ZNF33B: variants seen among roughly 807,000 people sequenced by gnomAD.
ZNF33B encodes zinc finger protein 33B.
Under a neutral mutation model 45.8 loss-of-function variants are expected in ZNF33B, and 29 were observed. The ratio of observed to expected loss-of-function variants is 0.63; its 90% CI spans 0.47 to 0.86. The LOEUF (loss-of-function observed/expected upper bound fraction) is 0.86, where lower values mean the gene tolerates loss of function less well. Ranked by LOEUF, ZNF33B falls within the 40% of genes least tolerant of loss-of-function variation. The pLI, the probability that ZNF33B is intolerant of heterozygous loss-of-function variation, is 0.00. For synonymous variants in ZNF33B, 305 were observed against 307.8 expected, an observed-to-expected ratio of 0.99 and a Z score of 0.10; for missense variants, 831 against 909.9, an observed-to-expected ratio of 0.91 and a Z score of 1.12.
In ZNF33B at chr10:42,594,079, A is replaced by G. The variant is rs1408398287; in HGVS notation, c.871T>C (p.Ser291Pro). 2 of 1,614,060 alleles carry G rather than the reference A, an allele frequency of 1.2e-6. No homozygotes were observed. Among genetic ancestry groups the G allele is most frequent in the Middle Eastern group, 1.6e-4 (1 of 6,062 alleles). The change falls in exon 5 of 5, where the codon TCT (serine) becomes CCT (proline). Residue 291 changes from serine to proline, a missense_variant. By Grantham distance (74) the Ser-to-Pro change is moderately conservative. Coordinates refer to ENST00000359467, the MANE Select transcript of ZNF33B (RefSeq NM_006955.3). ...EKFLCVKSTL[S>P]KHDGVPVKHY... ...TTCACAGGTACCCCATCATGTTTAG[A>G]AAGGGTGGACTTCACACATAAGAAC...
At chr10:42,630,382 T>A (rs570307706) in intron 4 of ZNF33B, among the ~76,000 whole-genome samples, 3 of 152,242 alleles carry the variant, frequency 2.0e-5, no homozygotes. Context: ...CTGGCTACTT[T>A]GAAATTTTTT....
intron 1 of ZNF33B, among the ~76,000 whole-genome samples, chr10:42,637,825 G>A (rs1162375330): frequency 6.6e-6 from 1 of 152,076 alleles, no homozygotes; most frequent in Non-Finnish European, 1.5e-5. Flanking sequence ...GCTACTTTTA[G>A]TATTTTTAGT....
downstream of ZNF33B, among the ~76,000 whole-genome samples, chr10:42,586,127 C>T (rs1018794741): frequency 2.1e-4 from 31 of 150,604 alleles, no homozygotes; most frequent in African/African-American, 7.3e-4. Flanking sequence ...TCCAGATGAT[C>T]GGCACAGGAT....
chr10:42,614,837 C>T (rs1254274041), intron 4 of ZNF33B, among the ~76,000 whole-genome samples: 2 of 151,864 alleles, frequency 1.3e-5, no homozygotes, highest in African/African-American at 4.8e-5. Flanking sequence ...ACCTGTAATC[C>T]CAGCTACTCA....
chr10:42,602,039 C>G (rs2132066285), intron 4 of ZNF33B, among the ~76,000 whole-genome samples: 1 of 151,366 alleles, frequency 6.6e-6, no homozygotes, highest in Non-Finnish European at 1.5e-5. Flanking sequence ...CCACCTCAGC[C>G]TCCCAAGTAG....
chr10:42,631,622 T>C (rs1258539595), intron 4 of ZNF33B, among the ~76,000 whole-genome samples: 2 of 152,100 alleles, frequency 1.3e-5, no homozygotes, highest in African/African-American at 4.8e-5. Flanking sequence ...GAGGTTAAGG[T>C]GGGACACTGA....
Position 42,591,027 on chromosome 10 carries a change from T to TA in ZNF33B, c.*1585dup, listed in dbSNP as rs1280310385. 3 of 182,920 alleles carry TA rather than the reference T, an allele frequency of 1.6e-5. No homozygotes were observed. The highest frequency in any genetic ancestry group is 7.1e-5 in the African/African-American group (3 of 42,034). The allele number at this position is 182,920 out of a possible 1,614,324, so 11.3% of individuals were successfully genotyped here. ...CTAGGGTCACCAGACTGTAAAATCT[T>TA]AGATTATTTGTATGATCTGATCATG... On this transcript the variant is annotated 3_prime_UTR_variant, in exon 5 of 5. Transcript: ENST00000359467.
At chr10:42,629,201 A>G (rs1388321836) in intron 4 of ZNF33B, among the ~76,000 whole-genome samples, 2 of 152,136 alleles carry the variant, frequency 1.3e-5, no homozygotes, top group African/African-American at 4.8e-5. Flanking sequence ...AAAATTTTGC[A>G]TGTTCTCACT....
At chr10:42,585,313 C>T (rs1231249002), downstream of ZNF33B, among the ~76,000 whole-genome samples, 1 of 152,220 alleles carries the variant, frequency 6.6e-6, no homozygotes, top group Non-Finnish European at 1.5e-5. Flanking sequence ...TTCCTGTGAT[C>T]GTCACATCCT....
At chr10:42,607,276 G>A (rs963562049) in intron 4 of ZNF33B, among the ~76,000 whole-genome samples, 2 of 150,118 alleles carry the variant, frequency 1.3e-5, no homozygotes, top group African/African-American at 4.9e-5. Flanking sequence ...TTTTCAAAGA[G>A]ACATAGTAAT....
At chr10:42,638,214 G>A (rs994311127) in intron 1 of ZNF33B, among the ~76,000 whole-genome samples, 4 of 152,250 alleles carry the variant, frequency 2.6e-5, no homozygotes, top group Non-Finnish European at 4.4e-5. Context: ...CTCAGCGCTC[G>A]GACCGCGCAA....
intron 4 of ZNF33B, among the ~76,000 whole-genome samples, chr10:42,621,669 T>C (rs1264784908): frequency 1.3e-5 from 2 of 151,986 alleles, no homozygotes; most frequent in Admixed American, 6.6e-5. Flanking sequence ...TCAGGACAAA[T>C]ACATTCAGAA....
chr10:42,575,267 T>C (rs1836731909), intron 1 of ZNF33B, among the ~76,000 whole-genome samples: 1 of 152,014 alleles, frequency 6.6e-6, no homozygotes, highest in African/African-American at 2.4e-5. Flanking sequence ...GTGGAGGTGG[T>C]TGGTTCACAT....
At chr10:42,637,527 C>G (rs1339392472) in intron 1 of ZNF33B, among the ~76,000 whole-genome samples, 1 of 152,180 alleles carries the variant, frequency 6.6e-6, no homozygotes, top group Non-Finnish European at 1.5e-5. Context: ...GCTTAGGGGT[C>G]AGGAGAAGTG....
intron 4 of ZNF33B, among the ~76,000 whole-genome samples, 163 bp from the exon 5 acceptor site, chr10:42,594,862 T>A (rs1837331744): frequency 6.6e-6 from 1 of 152,146 alleles, no homozygotes; most frequent in Admixed American, 6.5e-5. Context: ...TTTCATGAGT[T>A]TGGAGTGAAA....
chr10:42,575,092 T>C (rs1836728628), intron 1 of ZNF33B, among the ~76,000 whole-genome samples: 1 of 152,148 alleles, frequency 6.6e-6, no homozygotes, highest in South Asian at 2.1e-4. Context: ...GAAAGCAAAA[T>C]TTCTGTATAA....
chr10:42,589,934 G>C lies in ZNF33B; in HGVS notation c.*2679C>G, dbSNP rs1837041648. 6.6e-6 allele frequency: 1 copy of C among 152,192 alleles called. No homozygotes were observed. The highest frequency in any genetic ancestry group is 2.4e-5 in the African/African-American group (1 of 41,450). 9.4% of individuals were successfully genotyped at this position (152,192 alleles called of 1,614,324 possible). On this transcript the variant is annotated 3_prime_UTR_variant, in exon 5 of 5. Coordinates refer to ENST00000359467, the MANE Select transcript of ZNF33B (RefSeq NM_006955.3). ...GATGATGCTAGATGTAGGGTTTTTT[G>C]TAGTAGTTCTTTATCAAATTGAGTA... is the stretch of plus-strand genomic sequence containing the variant.
chr10:42,608,624 T>C (rs1439111647), intron 4 of ZNF33B, among the ~76,000 whole-genome samples: 1 of 152,076 alleles, frequency 6.6e-6, no homozygotes, highest in Non-Finnish European at 1.5e-5. Flanking sequence ...CTCAAACTTA[T>C]GGAACACAGA....
At chr10:42,611,192 T>C (rs1454031965) in intron 4 of ZNF33B, among the ~76,000 whole-genome samples, 1 of 151,784 alleles carries the variant, frequency 6.6e-6, no homozygotes, top group Non-Finnish European at 1.5e-5. Flanking sequence ...ACAAAAAAAA[T>C]TAGCCAAGTG....
Sources: allele counts gnomAD v4.1 joint callset (sites outside exome capture counted in the v4.1 genomes callset), GRCh38; gene constraint gnomAD v4.1.1; transcripts MANE v1.5; gene names NCBI Gene and HGNC (gene_info 2026-07-23, HGNC 2026-07-21).